CACHD1: variants seen among roughly 807,000 people sequenced by gnomAD.
CACHD1 encodes the protein VWFA and cache domain-containing protein 1.
A neutral mutation model predicts 138.7 loss-of-function variants in CACHD1; 71 were observed. That is an observed-to-expected ratio of 0.51 (90% CI 0.42 to 0.62). CACHD1 has a LOEUF of 0.62. Ranked by LOEUF, CACHD1 falls within the 20% of genes least tolerant of loss-of-function variation. The pLI, the probability that CACHD1 is intolerant of heterozygous loss-of-function variation, is 0.00. For missense variants in CACHD1, 1,389 were observed against 1,625.3 expected, an observed-to-expected ratio of 0.85 and a Z score of 2.50; for synonymous variants, 578 against 591.5, an observed-to-expected ratio of 0.98 and a Z score of 0.33.
At chr1:64,485,843 T>C (rs1165819968) in intron 1 of CACHD1, among the ~76,000 whole-genome samples, 1 of 152,180 alleles carries the variant, frequency 6.6e-6, no homozygotes, top group Non-Finnish European at 1.5e-5. Flanking sequence ...CAGGGTTTAA[T>C]AGTAGTTTTG....
chr1:64,621,832 G>T (rs1647925415), intron 4 of CACHD1, among the ~76,000 whole-genome samples: 1 of 152,164 alleles, frequency 6.6e-6, no homozygotes, highest in South Asian at 2.1e-4. Context: ...TGTAGAGTTT[G>T]AATTTAATGC....
At chr1:64,632,982 C>T (rs1029161808) in intron 6 of CACHD1, among the ~76,000 whole-genome samples, 2 of 152,170 alleles carry the variant, frequency 1.3e-5, no homozygotes, top group African/African-American at 4.8e-5. Context: ...AATCATCTAA[C>T]ACAAAGCCTA....
At chr1:64,537,603 A>G (rs1312379522) in intron 1 of CACHD1, among the ~76,000 whole-genome samples, 1 of 152,194 alleles carries the variant, frequency 6.6e-6, no homozygotes, top group Non-Finnish European at 1.5e-5. Flanking sequence ...ATAGCTTTGC[A>G]AAAGTCTTGT....
intron 9 of CACHD1, among the ~76,000 whole-genome samples, chr1:64,650,767 A>G (rs1485411737): frequency 6.6e-6 from 1 of 152,220 alleles, no homozygotes. Flanking sequence ...GCTTTCTGAT[A>G]GGCTGATAGA....
At chr1:64,515,036 T>C (rs1646448857) in intron 1 of CACHD1, among the ~76,000 whole-genome samples, 1 of 152,176 alleles carries the variant, frequency 6.6e-6, no homozygotes, top group Admixed American at 6.5e-5. Context: ...CTGCCATCCA[T>C]GTGATTTTGG....
At chr1:64,619,574 A>T (rs1210179653) in intron 4 of CACHD1, among the ~76,000 whole-genome samples, 1 of 152,162 alleles carries the variant, frequency 6.6e-6, no homozygotes. Context: ...ACATACTGGG[A>T]TGCTCTGGGC....
At chr1:64,595,167 G>A (rs1430665363) in intron 3 of CACHD1, among the ~76,000 whole-genome samples, 3 of 152,228 alleles carry the variant, frequency 2.0e-5, no homozygotes, top group Admixed American at 6.5e-5. Flanking sequence ...CCTCTCTTTT[G>A]TGTCTGTGTC....
At chr1:64,602,040 T>C (rs1647219934) in intron 3 of CACHD1, among the ~76,000 whole-genome samples, 1 of 152,216 alleles carries the variant, frequency 6.6e-6, no homozygotes, top group African/African-American at 2.4e-5. Context: ...TGTTGGTTGC[T>C]ATAGCAATGG....
At chr1:64,562,711 G>C (rs1000751307) in intron 2 of CACHD1, among the ~76,000 whole-genome samples, 4 of 151,812 alleles carry the variant, frequency 2.6e-5, no homozygotes, top group African/African-American at 9.7e-5. Flanking sequence ...GTGAGCCACT[G>C]TGCCTGGCCC....
At chr1:64,489,358 CTAAAAGCCATTTT>C (rs985131958) in intron 1 of CACHD1, among the ~76,000 whole-genome samples, 38 of 152,100 alleles carry the variant, frequency 2.5e-4, no homozygotes, top group Non-Finnish European at 2.9e-5. Context: ...GTCCTCCAAA[CTAAAAGCCATTTT>C]TAAGTAGTGC....
At chr1:64,627,563 C>G (rs186469355) in intron 4 of CACHD1, among the ~76,000 whole-genome samples, 1 of 152,124 alleles carries the variant, frequency 6.6e-6, no homozygotes, top group Admixed American at 6.6e-5. Flanking sequence ...GGAGAAGAGG[C>G]GGGCACATGA....
At chr1:64,553,285 A>G (rs1280195835) in intron 2 of CACHD1, among the ~76,000 whole-genome samples, 1 of 152,224 alleles carries the variant, frequency 6.6e-6, no homozygotes, top group African/African-American at 2.4e-5. Context: ...TCATTCTACA[A>G]TGAGAACACA....
intron 26 of CACHD1, among the ~76,000 whole-genome samples, chr1:64,685,135 T>G (rs190522100): frequency 9.2e-5 from 14 of 152,288 alleles, no homozygotes; most frequent in African/African-American, 3.4e-4. Flanking sequence ...AAAAAATCTT[T>G]TATACGGTAT....
intron 14 of CACHD1, 126 bp downstream of exon 14, chr1:64,663,963 A>C: frequency 1.6e-6 from 2 of 1,266,776 alleles, no homozygotes; most frequent in Non-Finnish European, 2.2e-6. Flanking sequence ...GGAGAGCTGC[A>C]GAGTGTGTGG....
intron 4 of CACHD1, among the ~76,000 whole-genome samples, chr1:64,624,361 C>T (rs978863881): frequency 3.3e-5 from 5 of 152,162 alleles, no homozygotes; most frequent in African/African-American, 1.2e-4. Flanking sequence ...CCATTGGCTC[C>T]CCTTTTAATA....
intron 26 of CACHD1, among the ~76,000 whole-genome samples, chr1:64,689,379 C>T (rs564467665): frequency 2.0e-5 from 3 of 152,274 alleles, no homozygotes; most frequent in African/African-American, 7.2e-5. Flanking sequence ...TACTCCTCAC[C>T]CCCACAGTCC....
intron 1 of CACHD1, among the ~76,000 whole-genome samples, chr1:64,527,142 C>T (rs867895783): frequency 6.6e-6 from 1 of 152,116 alleles, no homozygotes; most frequent in African/African-American, 2.4e-5. Context: ...CTTACTATGG[C>T]GTAAAATGGA....
At chr1:64,556,590 T>C (rs1646798764) in intron 2 of CACHD1, among the ~76,000 whole-genome samples, 1 of 152,202 alleles carries the variant, frequency 6.6e-6, no homozygotes, top group Non-Finnish European at 1.5e-5. Flanking sequence ...ATGTTGTTAA[T>C]GTCCTCTGGT....
chr1:64,641,061 CT>C (rs902122338), intron 7 of CACHD1, among the ~76,000 whole-genome samples: 3 of 151,748 alleles, frequency 2.0e-5, no homozygotes, highest in African/African-American at 2.4e-5. Context: ...GTTGTAGTTT[CT>C]TTTTTTTCTC....
Sources: gnomAD v4.1 joint callset for allele counts (sites outside exome capture counted in the v4.1 genomes callset) on GRCh38, gnomAD v4.1.1 for gene constraint, MANE v1.5 for transcripts, NCBI Gene and HGNC (gene_info 2026-07-23, HGNC 2026-07-21) for gene names.